Variants in SHROOM2 observed in about 807,000 individuals in gnomAD.
The protein encoded by SHROOM2 is protein Shroom2.
SHROOM2 carries 33 observed loss-of-function variants against 75.9 expected under a neutral mutation model. That is an observed-to-expected ratio of 0.43 (90% CI 0.33 to 0.58). The LOEUF (loss-of-function observed/expected upper bound fraction) is 0.58, where lower values mean the gene tolerates loss of function less well. Ranked by LOEUF, SHROOM2 falls within the 20% of genes least tolerant of loss-of-function variation. The pLI is 0.04. For synonymous variants in SHROOM2, 655 were observed against 663.6 expected (o/e 0.99, Z 0.20); for missense variants, 1,434 against 1,461.2 (o/e 0.98, Z 0.30).
At chrX:9,845,717 C>T (rs1035631204) in intron 1 of SHROOM2, among the ~76,000 whole-genome samples, 6 of 109,765 alleles carry the variant, frequency 5.5e-5, no homozygotes, top group African/African-American at 1.7e-4. Context: ...CTGGTCTCAC[C>T]CCGTCTGCTG....
chrX:9,818,881 C>T, intron 1 of SHROOM2: 1 of 533,882 alleles, frequency 1.9e-6, no homozygotes, highest in Non-Finnish European at 3.4e-6. Context: ...ATCCATTCTG[C>T]ACCTTTGAGC....
chrX:9,940,907 C>T (rs913265549), intron 8 of SHROOM2, among the ~76,000 whole-genome samples: 1 of 111,404 alleles, frequency 9.0e-6, no homozygotes, highest in African/African-American at 3.3e-5. Flanking sequence ...ATCAGGGAAC[C>T]CTCTGTTTTA....
intron 2 of SHROOM2, among the ~76,000 whole-genome samples, chrX:9,888,916 A>G (rs2084275719): frequency 8.9e-6 from 1 of 112,175 alleles, no homozygotes. Context: ...CGTCGTCTTG[A>G]GTGTCAGACG....
chrX:9,849,030 G>A (rs999420812), intron 1 of SHROOM2, among the ~76,000 whole-genome samples: 1 of 111,867 alleles, frequency 8.9e-6, no homozygotes, highest in African/African-American at 3.3e-5. Flanking sequence ...GGACTCACCC[G>A]TGGGTCTCCT....
intron 1 of SHROOM2, among the ~76,000 whole-genome samples, chrX:9,824,166 G>C (rs912346758): frequency 1.4e-4 from 16 of 110,604 alleles, no homozygotes; most frequent in Admixed American, 3.8e-4. Flanking sequence ...GGGTGCTATG[G>C]CTCACACCTG....
chrX:9,802,612 C>T (rs757733237), intron 1 of SHROOM2, among the ~76,000 whole-genome samples: 55 of 111,739 alleles, frequency 4.9e-4, no homozygotes, highest in African/African-American at 1.7e-3. Flanking sequence ...CTACTTGACC[C>T]GGGAGGTCCC....
chrX:9,902,438 GATAA>G (rs2084370147), intron 5 of SHROOM2, among the ~76,000 whole-genome samples: 1 of 111,640 alleles, frequency 9.0e-6, no homozygotes, highest in Non-Finnish European at 1.9e-5. Context: ...TGGCTGAATG[GATAA>G]ATACCAGGCT....
rs1210622743 is a variant in SHROOM2, at chrX:9,908,972, T to TAAATAAATAAATAAAA, written c.2891+10685_2891+10686insTAAATAAATAAAAAAA. Among the ~76,000 whole-genome samples the TAAATAAATAAATAAAA allele has an allele frequency of 1.1e-4, 12 of 109,586 alleles. No individual in the cohort carries two copies. In the South Asian group the frequency reaches 1.9e-3, roughly 17 times the overall value. Reference sequence around the variant, plus strand: ...ATAAATAAATAAATAAATAAATAAATAAAAACAAAAATAAAAAAACAGGAT... The same window carrying TAAATAAATAAATAAAA: ...ATAAATAAATAAATAAATAAATAAATAAATAAATAAATAAAAAAAAACAAAAATAAAAAAACAGGAT... On this transcript the variant is annotated intron_variant, in intron 5 of 9. Transcript: ENST00000380913.
At chrX:9,801,257 T>C (rs1177712578) in intron 1 of SHROOM2, among the ~76,000 whole-genome samples, 2 of 112,207 alleles carry the variant, frequency 1.8e-5, no homozygotes, top group Non-Finnish European at 3.8e-5. Flanking sequence ...CATGATTCAA[T>C]TATCTCCCAC....
chrX:9,869,790 G>A (rs1209038204), intron 1 of SHROOM2, among the ~76,000 whole-genome samples: 2 of 112,347 alleles, frequency 1.8e-5, no homozygotes, highest in African/African-American at 6.5e-5. Context: ...ATAAGGCTCT[G>A]TCCTTTGAAA....
intron 1 of SHROOM2, among the ~76,000 whole-genome samples, chrX:9,835,948 G>A (rs2083941938): frequency 8.9e-6 from 1 of 112,052 alleles, no homozygotes; most frequent in Non-Finnish European, 1.9e-5. Context: ...GGTTGGAGCT[G>A]GAGTTGTTCT....
chrX:9,947,193 G>T lies in SHROOM2; in HGVS notation c.*256G>T. ...TGACACCAGGCTCTGCTGGATGTGA[G>T]TTTCCACTGCATGGGCTGTGGGCTG... On this transcript the variant is annotated 3_prime_UTR_variant, in exon 10 of 10. Transcript: ENST00000380913. 1 of 386,116 alleles carries T rather than the reference G, an allele frequency of 2.6e-6. No homozygotes were observed. Among genetic ancestry groups the T allele is most frequent in the Non-Finnish European group, 4.5e-6 (1 of 224,402 alleles). The allele number at this position is 386,116 out of a possible 1,213,427, so 31.8% of individuals were successfully genotyped here. A position where few individuals can be genotyped will look rare whatever the true frequency, so the allele number is the denominator to read the frequency against.
intron 5 of SHROOM2, among the ~76,000 whole-genome samples, chrX:9,925,223 G>C (rs1225146730): frequency 8.9e-6 from 1 of 111,857 alleles, no homozygotes; most frequent in African/African-American, 3.3e-5. Flanking sequence ...GGGAAGGACA[G>C]TGGAGACACC....
intron 2 of SHROOM2, among the ~76,000 whole-genome samples, chrX:9,876,931 C>T (rs1170004126): frequency 1.8e-5 from 2 of 112,575 alleles, no homozygotes; most frequent in East Asian, 5.6e-4. Context: ...GCTGGAATTA[C>T]AGGCGTGAGC....
At chrX:9,814,496 A>T (rs149229752) in intron 1 of SHROOM2, among the ~76,000 whole-genome samples, 1,548 of 111,011 alleles carry the variant, frequency 0.014, 23 homozygotes, top group African/African-American at 0.049. Context: ...CCTCACCTCT[A>T]GGGGCCTGCT....
intron 8 of SHROOM2, among the ~76,000 whole-genome samples, chrX:9,941,835 G>C (rs527650451): frequency 9.2e-6 from 1 of 108,611 alleles, no homozygotes; most frequent in East Asian, 2.9e-4. Flanking sequence ...GCCAGGCGTG[G>C]TGGCGGGCGC....
Position 9,815,434 on chromosome X carries a change from ATGTGTGTGTGTGTGTG to A in SHROOM2, c.165+28756_165+28771del, listed in dbSNP as rs56223508. 3.8e-3 allele frequency among the ~76,000 whole-genome samples: 337 copies of A among 88,710 alleles called. 2 individuals carry two copies. The highest frequency in any genetic ancestry group is 0.01 in the African/African-American group (249 of 23,902). The allele number at this position is 88,710 out of a possible 115,157, so 77.0% of individuals were successfully genotyped here. On this transcript the variant is annotated intron_variant, in intron 1 of 9. Transcript: ENST00000380913. ...AACTAATAGGATAGATATACATATT[ATGTGTGTGTGTGTGTG>A]TGTGTGTGTGTGTGTGTGTGTGTGT...
chrX:9,869,838 A>T (rs1035573570), intron 1 of SHROOM2, among the ~76,000 whole-genome samples: 2 of 112,533 alleles, frequency 1.8e-5, no homozygotes, highest in African/African-American at 3.2e-5. Flanking sequence ...ATGCAAATTT[A>T]TGAAAAAAGT....
intron 1 of SHROOM2, among the ~76,000 whole-genome samples, chrX:9,863,961 C>T (rs778398522): frequency 4.5e-5 from 5 of 111,221 alleles, no homozygotes; most frequent in East Asian, 2.8e-4. Flanking sequence ...GGTACTCCAG[C>T]GACCTTCTAG....
Sources: gnomAD v4.1 joint callset for allele counts (sites outside exome capture counted in the v4.1 genomes callset) on GRCh38, gnomAD v4.1.1 for gene constraint, MANE v1.5 for transcripts, NCBI Gene and HGNC (gene_info 2026-07-23, HGNC 2026-07-21) for gene names.